The following RAP1GAP variants were observed in gnomAD, a reference collection of about 807,000 sequenced individuals.
RAP1GAP encodes rap1 GTPase-activating protein 1.
Under a neutral mutation model 87.2 loss-of-function variants are expected in RAP1GAP, and 35 were observed. The ratio of observed to expected loss-of-function variants is 0.40; its 90% CI spans 0.31 to 0.53. The LOEUF (loss-of-function observed/expected upper bound fraction) is 0.53, where lower values mean the gene tolerates loss of function less well. RAP1GAP is among the 20% of genes least tolerant of loss of function. The probability of loss-of-function intolerance (pLI) is 0.48; values close to 1 mark genes in which losing one functional copy is unlikely to be tolerated. For synonymous variants in RAP1GAP, 375 were observed against 363.9 expected (o/e 1.03, Z -0.35); for missense variants, 734 against 898.9 (o/e 0.82, Z 2.35).
intron 18 of RAP1GAP, among the ~76,000 whole-genome samples, chr1:21,605,415 G>A (rs1024766101): frequency 2.6e-5 from 4 of 152,126 alleles, no homozygotes; most frequent in African/African-American, 7.2e-5. Flanking sequence ...CTGACATCTA[G>A]GGCTTATCAC....
intron 1 of RAP1GAP, among the ~76,000 whole-genome samples, chr1:21,659,493 G>T (rs539562690): frequency 6.6e-6 from 1 of 152,198 alleles, no homozygotes; most frequent in East Asian, 1.9e-4. Flanking sequence ...AGGCGCCGCC[G>T]CACGTCTCCC....
chr1:21,601,182 C>T (rs1242051017), intron 20 of RAP1GAP, among the ~76,000 whole-genome samples: 1 of 152,134 alleles, frequency 6.6e-6, no homozygotes, highest in Non-Finnish European at 1.5e-5. Context: ...AGGCATACGT[C>T]ACCACTCCCA....
chr1:21,613,117 T>C lies in RAP1GAP; in HGVS notation c.528+59A>G, dbSNP rs765570686. ...TGGCACACAGAAGGTGCTTAATAAA[T>C]GCTCAGTCTTCCAGTTACTCACCCA... is the stretch of plus-strand genomic sequence containing the variant. On this transcript the variant is annotated intron_variant, in intron 10 of 24. Coordinates refer to ENST00000374765, the MANE Select transcript of RAP1GAP (RefSeq NM_002885.4). This position sits in a 1 kb window ranked among gnomAD's most constrained non-coding sequence, Gnocchi z 4.7. 2.2e-5 allele frequency: 32 copies of C among 1,483,584 alleles called. No homozygotes were observed. The highest frequency in any genetic ancestry group is 3.4e-5 in the Admixed American group (2 of 59,700). 91.9% of individuals were successfully genotyped at this position (1,483,584 alleles called of 1,614,324 possible).
At chr1:21,598,858 C>G (rs1217191173) in intron 21 of RAP1GAP, among the ~76,000 whole-genome samples, 1 of 152,260 alleles carries the variant, frequency 6.6e-6, no homozygotes, top group Non-Finnish European at 1.5e-5. Flanking sequence ...CTCTGTGCCC[C>G]AGCAGGCAGG....
chr1:21,642,016 C>G (rs536677558), intron 2 of RAP1GAP, among the ~76,000 whole-genome samples: 45 of 152,340 alleles, frequency 3.0e-4, no homozygotes, highest in African/African-American at 1.1e-3. Flanking sequence ...CACCGTGAGG[C>G]AGGGGCCATG....
At position 21,638,456 on chromosome 1, in the gene RAP1GAP, CAAA is replaced by C. The variant is rs34567376; in HGVS notation, c.-113+11302_-113+11304del. Among the ~76,000 whole-genome samples the C allele has an allele frequency of 1.0e-4, 13 of 128,202 alleles. 1 individual carries two copies. The highest frequency in any genetic ancestry group is 1.5e-4 in the Admixed American group (2 of 13,120). The allele number at this position is 128,202 out of a possible 152,430, so 84.1% of individuals were successfully genotyped here. On this transcript the variant is annotated intron_variant, in intron 2 of 24. Coordinates refer to ENST00000374765, the MANE Select transcript of RAP1GAP (RefSeq NM_002885.4). ...TGGGCGACAGAGCAAGACTCTGTCT[CAAA>C]AAAAAAAAAAAAAGAGAGAGAGAAA...
rs893058477 is a variant in RAP1GAP at position 21,599,472 on chromosome 1, C to T, written c.1776+22G>A. On this transcript the variant is annotated intron_variant, in intron 21 of 24. Coordinates refer to ENST00000374765, the MANE Select transcript of RAP1GAP (RefSeq NM_002885.4). Reference sequence around the variant, plus strand: ...CCCCTTCCAAGCTCCTGTGGGGCCCCTGACCCCCCTGAGCCTCTCACCAGG... The same window carrying T: ...CCCCTTCCAAGCTCCTGTGGGGCCCTTGACCCCCCTGAGCCTCTCACCAGG... 3.1e-6 allele frequency: 5 copies of T among 1,599,846 alleles called. No individual in the cohort carries two copies. The African/African-American group carries it at 6.7e-5, about 21-fold the overall frequency.
intron 18 of RAP1GAP, among the ~76,000 whole-genome samples, chr1:21,604,617 G>C (rs996626491): frequency 3.3e-5 from 5 of 152,072 alleles, no homozygotes; most frequent in Non-Finnish European, 5.9e-5. Flanking sequence ...GAAGGGAGTG[G>C]TTGATAAAAC....
At chr1:21,652,091 G>T (rs1421556161) in intron 1 of RAP1GAP, among the ~76,000 whole-genome samples, 2 of 150,968 alleles carry the variant, frequency 1.3e-5, no homozygotes, top group Non-Finnish European at 3.0e-5. Context: ...GGGGCCCGGG[G>T]CAGCCCCTCC....
intron 1 of RAP1GAP, among the ~76,000 whole-genome samples, chr1:21,651,155 A>G (rs1012028167): frequency 1.1e-4 from 16 of 152,162 alleles, no homozygotes; most frequent in Middle Eastern, 3.4e-3. Context: ...ACCTGCTGCC[A>G]CTCTGACCTC....
At chr1:21,658,994 C>A (rs907336648) in intron 1 of RAP1GAP, among the ~76,000 whole-genome samples, 2 of 145,362 alleles carry the variant, frequency 1.4e-5, no homozygotes, top group African/African-American at 5.1e-5. Context: ...GGCTGGAGTG[C>A]AATGGCGCGA....
intron 2 of RAP1GAP, among the ~76,000 whole-genome samples, chr1:21,627,547 C>T (rs1419227557): frequency 6.6e-6 from 1 of 151,768 alleles, no homozygotes; most frequent in African/African-American, 2.4e-5. Context: ...TCCTGAATAG[C>T]TAGGATTGCA....
chr1:21,631,144 T>C (rs1272285377), intron 2 of RAP1GAP, among the ~76,000 whole-genome samples: 2 of 152,306 alleles, frequency 1.3e-5, no homozygotes, highest in South Asian at 2.1e-4. Context: ...GTTCACATCA[T>C]GGATGTCCCC....
At chr1:21,602,714 G>A (rs2069828748) in intron 19 of RAP1GAP, 90 bp downstream of exon 19, 4 of 1,148,270 alleles carry the variant, frequency 3.5e-6, no homozygotes, top group Non-Finnish European at 4.9e-6. Flanking sequence ...AGAGGGGCGG[G>A]CACTCCCTTC....
At chr1:21,612,182 A>G in intron 10 of RAP1GAP, 73 bp from the exon 11 acceptor site, 1 of 1,233,352 alleles carries the variant, frequency 8.1e-7, no homozygotes, top group South Asian at 1.3e-5. Flanking sequence ...CCCCGTGCCA[A>G]GCACTGAGCC....
intron 1 of RAP1GAP, among the ~76,000 whole-genome samples, chr1:21,657,283 C>G (rs775214772): frequency 2.0e-5 from 3 of 152,264 alleles, no homozygotes; most frequent in Non-Finnish European, 2.9e-5. Context: ...CATCAGTGCA[C>G]ATGCACCTAC....
chr1:21,602,827 G>T lies in RAP1GAP; in HGVS notation c.1515C>A (p.Asn505Lys). The T allele has an allele frequency of 6.2e-7, 1 of 1,609,932 alleles. No individual in the cohort carries two copies. ...ACCTCTTCTCCTGCACCTCCTGTAT[G>T]TTCTCGATGCCAATGGCGCTGCTGC... ...SRRSSAIGIE[N>K]IQEVQEKRES... Residue 505 changes from asparagine to lysine, a missense_variant, in exon 19 of 25, where the codon AAC becomes AAA. This residue lies in a region of RAP1GAP where 249 missense variants were observed against 252.7 expected (regional missense o/e 0.99). Coordinates refer to ENST00000374765, the MANE Select transcript of RAP1GAP (RefSeq NM_002885.4).
At chr1:21,623,709 G>A (rs1445362942) in intron 3 of RAP1GAP, among the ~76,000 whole-genome samples, 8 of 152,270 alleles carry the variant, frequency 5.3e-5, no homozygotes, top group African/African-American at 1.7e-4. Flanking sequence ...ACACGGTGTA[G>A]CTTTGGTTTT....
At chr1:21,626,117 C>T (rs538186395) in intron 3 of RAP1GAP, among the ~76,000 whole-genome samples, 187 bp downstream of exon 3, 21 of 152,282 alleles carry the variant, frequency 1.4e-4, no homozygotes, top group Middle Eastern at 3.4e-3. Flanking sequence ...CTAGGTTCAA[C>T]GTTTGTGACT....
Sources: allele counts gnomAD v4.1 joint callset (sites outside exome capture counted in the v4.1 genomes callset), GRCh38; gene constraint gnomAD v4.1.1; regional missense constraint gnomAD v4.1.1; non-coding constraint Gnocchi (gnomAD v3.1); transcripts MANE v1.5; gene names NCBI Gene and HGNC (gene_info 2026-07-23, HGNC 2026-07-21).